The following MAST4 variants were observed in gnomAD, a reference collection of about 807,000 sequenced individuals.
MAST4 encodes microtubule-associated serine/threonine-protein kinase 4.
MAST4 carries 89 observed loss-of-function variants against 162.7 expected under a neutral mutation model. The ratio of observed to expected loss-of-function variants is 0.55; its 90% CI spans 0.46 to 0.65. The LOEUF is 0.65. Among genes scored for constraint, MAST4 ranks in the 30% least tolerant of loss-of-function variants. The probability of loss-of-function intolerance (pLI) is 0.00; values close to 1 mark genes in which losing one functional copy is unlikely to be tolerated. For missense variants in MAST4, 3,153 were observed against 3,374.0 expected, an observed-to-expected ratio of 0.93 and a Z score of 1.62; for synonymous variants, 1,479 against 1,361.1, an observed-to-expected ratio of 1.09 and a Z score of -1.91.
chr5:66,753,671 CCAAA>C (rs1451724824), intron 1 of MAST4, among the ~76,000 whole-genome samples: 1 of 151,324 alleles, frequency 6.6e-6, no homozygotes, highest in Non-Finnish European at 1.5e-5. Flanking sequence ...AGCTTACCAA[CCAAA>C]CAGAGTCCAG....
At chr5:67,114,575 A>T in intron 12 of MAST4, 1 of 199,596 alleles carries the variant, frequency 5.0e-6, no homozygotes, top group Non-Finnish European at 1.0e-5. Flanking sequence ...AATTTTTAAA[A>T]TGTTGCTAAA....
intron 4 of MAST4, among the ~76,000 whole-genome samples, chr5:66,904,872 G>A (rs1000950022): frequency 4.6e-5 from 7 of 151,996 alleles, no homozygotes; most frequent in Admixed American, 6.6e-5. Flanking sequence ...TGACACCCAG[G>A]TAGTGAGTGA....
At chr5:66,600,913 A>T (rs1742510250) in intron 1 of MAST4, among the ~76,000 whole-genome samples, 2 of 152,250 alleles carry the variant, frequency 1.3e-5, no homozygotes, top group South Asian at 4.1e-4. Context: ...AACAAGAGAC[A>T]ACCCATGTAT....
At chr5:66,932,794 CT>C (rs1373694855) in intron 4 of MAST4, among the ~76,000 whole-genome samples, 3 of 152,068 alleles carry the variant, frequency 2.0e-5, no homozygotes, top group African/African-American at 7.2e-5. Flanking sequence ...TTCTATTAGT[CT>C]TTGATAGAGT....
intron 3 of MAST4, among the ~76,000 whole-genome samples, chr5:66,896,359 T>C (rs889143885): frequency 1.3e-5 from 2 of 152,222 alleles, no homozygotes; most frequent in African/African-American, 4.8e-5. Flanking sequence ...CCACTGATGA[T>C]GTTAACCTTG....
chr5:66,770,758 G>A (rs1045639370), intron 2 of MAST4, among the ~76,000 whole-genome samples: 3 of 152,224 alleles, frequency 2.0e-5, no homozygotes, highest in Non-Finnish European at 2.9e-5. Context: ...AGTGTTGGGA[G>A]CCAGGCTTCA....
chr5:67,004,809 G>A, intron 4 of MAST4: 1 of 577,046 alleles, frequency 1.7e-6, no homozygotes, highest in Non-Finnish European at 3.1e-6. Flanking sequence ...GACGGGACGG[G>A]TACTTCTCAG....
At chr5:66,793,588 G>A (rs1020373659) in intron 3 of MAST4, among the ~76,000 whole-genome samples, 4 of 152,180 alleles carry the variant, frequency 2.6e-5, no homozygotes, top group African/African-American at 9.7e-5. Context: ...GATGATGGAA[G>A]TTTAAAATGG....
chr5:67,094,117 T>G (rs758991979), intron 6 of MAST4: 8 of 1,381,234 alleles, frequency 5.8e-6, no homozygotes, highest in Non-Finnish European at 5.9e-6. Flanking sequence ...CTTCTTTTTT[T>G]TAACATACTT....
chr5:67,021,353 T>C (rs1362342956), intron 4 of MAST4, among the ~76,000 whole-genome samples: 1 of 152,196 alleles, frequency 6.6e-6, no homozygotes, highest in Non-Finnish European at 1.5e-5. Flanking sequence ...GCTATATAGA[T>C]TGCAACGTAT....
chr5:66,904,965 T>C (rs533916722), intron 4 of MAST4, among the ~76,000 whole-genome samples: 75 of 152,100 alleles, frequency 4.9e-4, no homozygotes, highest in African/African-American at 1.7e-3. Context: ...CGGTGTCTTA[T>C]TGTTCCCATC....
intron 4 of MAST4, among the ~76,000 whole-genome samples, chr5:67,049,880 G>A (rs1757957381): frequency 6.6e-6 from 1 of 152,182 alleles, no homozygotes; most frequent in Admixed American, 6.5e-5. Flanking sequence ...GCCACAGCCT[G>A]GTGGGCTTCA....
At chr5:66,744,676 T>G (rs1752650907) in intron 1 of MAST4, among the ~76,000 whole-genome samples, 1 of 152,112 alleles carries the variant, frequency 6.6e-6, no homozygotes, top group African/African-American at 2.4e-5. Flanking sequence ...TACATACTTT[T>G]AAAACAACCA....
chr5:67,091,850 G>C (rs968790971), intron 6 of MAST4, among the ~76,000 whole-genome samples: 1 of 152,080 alleles, frequency 6.6e-6, no homozygotes, highest in East Asian at 1.9e-4. Flanking sequence ...ACCATAAACC[G>C]TGACAGGAGA....
chr5:66,872,514 A>C (rs1257761478), intron 3 of MAST4, among the ~76,000 whole-genome samples: 1 of 152,106 alleles, frequency 6.6e-6, no homozygotes, highest in African/African-American at 2.4e-5. Flanking sequence ...TTCTATGCTG[A>C]AGTGTTTGAA....
At chr5:66,616,685 C>G (rs755057478) in intron 1 of MAST4, among the ~76,000 whole-genome samples, 2 of 152,210 alleles carry the variant, frequency 1.3e-5, no homozygotes, top group Non-Finnish European at 2.9e-5. Flanking sequence ...AGCAGCTGGC[C>G]GGGGCCTCTG....
intron 1 of MAST4, among the ~76,000 whole-genome samples, chr5:66,640,435 G>A (rs1338682509): frequency 4.6e-5 from 7 of 151,788 alleles, no homozygotes; most frequent in Non-Finnish European, 1.0e-4. Flanking sequence ...AGCCTCCCCA[G>A]TAGCTGGGAC....
In MAST4 at chr5:67,121,966, A is replaced by G. The variant is rs187133910; in HGVS notation, c.1745+864A>G. ...CACTGCAGCCTTTAACTCCTACACC[A>G]GGATTTTCAAAATTGAACTGTATCC... On this transcript the variant is annotated intron_variant, in intron 14 of 28. Transcript: ENST00000403625. Among the ~76,000 whole-genome samples, 451 of 152,046 alleles carry G rather than the reference A, an allele frequency of 3.0e-3. 1 individual carries two copies. The highest frequency in any genetic ancestry group is 4.7e-3 in the Non-Finnish European group (320 of 67,974).
intron 4 of MAST4, among the ~76,000 whole-genome samples, chr5:66,905,175 C>A (rs368044591): frequency 6.6e-6 from 1 of 151,874 alleles, no homozygotes; most frequent in Admixed American, 6.6e-5. Flanking sequence ...GGCTTGGAGG[C>A]GCATGCCTGT....
Sources: gnomAD v4.1 joint callset for allele counts (sites outside exome capture counted in the v4.1 genomes callset) on GRCh38, gnomAD v4.1.1 for gene constraint, MANE v1.5 for transcripts, NCBI Gene and HGNC (gene_info 2026-07-23, HGNC 2026-07-21) for gene names.